Variants in SAMD5 observed in about 807,000 individuals in gnomAD.
The protein encoded by SAMD5 is sterile alpha motif domain-containing protein 5.
In SAMD5, 13 loss-of-function variants were observed where a neutral mutation model predicts 11.3. The ratio of observed to expected loss-of-function variants is 1.15; its 90% CI spans 0.75 to 1.83. The LOEUF is 1.83. Ranked by LOEUF, SAMD5 falls within the 40% of genes most tolerant of loss-of-function variation. The pLI is 0.00. For synonymous variants in SAMD5, 129 were observed against 111.3 expected, an observed-to-expected ratio of 1.16 and a Z score of -1.00; for missense variants, 255 against 239.1, an observed-to-expected ratio of 1.07 and a Z score of -0.44.
At chr6:147,627,516 T>C (rs1790073397) in intron 1 of SAMD5, among the ~76,000 whole-genome samples, 1 of 152,222 alleles carries the variant, frequency 6.6e-6, no homozygotes, top group African/African-American at 2.4e-5. Flanking sequence ...TGCAATAAAT[T>C]ATTTTTTGAT....
the SAMD5 span, among the ~76,000 whole-genome samples, chr6:147,878,616 T>TGTATATAC: frequency 1.4e-5 from 2 of 146,654 alleles, no homozygotes; most frequent in African/African-American, 5.0e-5. Context: ...TATATAGATA[T>TGTATATAC]ATATGTATAT....
At chr6:147,591,308 A>G (rs844569) in intron 1 of SAMD5, among the ~76,000 whole-genome samples, 100,101 of 151,812 alleles carry the variant, frequency 0.66, 33,221 homozygotes, top group South Asian at 0.74. Context: ...CTCCAGTGGC[A>G]TATAAAGCTG....
intron 1 of SAMD5, among the ~76,000 whole-genome samples, chr6:147,511,925 C>T (rs1788096762): frequency 6.6e-6 from 1 of 152,116 alleles, no homozygotes; most frequent in Admixed American, 6.5e-5. Context: ...CTCCACTTTC[C>T]TTGGCTTTGT....
chr6:147,846,976 T>C, the SAMD5 span, among the ~76,000 whole-genome samples: 4 of 152,198 alleles, frequency 2.6e-5, no homozygotes, highest in Non-Finnish European at 5.9e-5. Flanking sequence ...AAATGAACTC[T>C]TACAAATCAT....
the SAMD5 span, among the ~76,000 whole-genome samples, chr6:147,933,090 C>A: frequency 8.6e-3 from 1,304 of 152,264 alleles, 17 homozygotes; most frequent in African/African-American, 0.027. Flanking sequence ...GTTTCTTCCT[C>A]CTTTCCAATA....
intron 1 of SAMD5, among the ~76,000 whole-genome samples, chr6:147,651,731 G>A (rs1334788206): frequency 6.6e-6 from 1 of 152,126 alleles, no homozygotes; most frequent in Non-Finnish European, 1.5e-5. Flanking sequence ...TATTATAGTG[G>A]CCCAAACAGA....
chr6:147,527,184 T>C (rs1788356067), intron 1 of SAMD5, among the ~76,000 whole-genome samples: 2 of 152,200 alleles, frequency 1.3e-5, no homozygotes, highest in African/African-American at 4.8e-5. Flanking sequence ...CTCACATTGT[T>C]ATAAAGAAAT....
At chr6:147,548,767 G>T (rs1429952721) in intron 1 of SAMD5, among the ~76,000 whole-genome samples, 1 of 152,106 alleles carries the variant, frequency 6.6e-6, no homozygotes, top group Admixed American at 6.5e-5. Context: ...TTTGCACAGG[G>T]TTCCCTGAAG....
the SAMD5 span, among the ~76,000 whole-genome samples, chr6:147,768,811 T>C: frequency 1.3e-5 from 2 of 152,180 alleles, no homozygotes; most frequent in African/African-American, 4.8e-5. Context: ...ATTTATTTTT[T>C]TGAGACGGAG....
the SAMD5 span, among the ~76,000 whole-genome samples, chr6:147,950,394 T>A: frequency 6.6e-6 from 1 of 152,194 alleles, no homozygotes; most frequent in African/African-American, 2.4e-5. Context: ...CTGGTTCACA[T>A]GTGTGCACTA....
chr6:147,729,718 C>G (rs1791681271), intron 1 of SAMD5: 1 of 453,494 alleles, frequency 2.2e-6, no homozygotes, highest in African/African-American at 2.0e-5. Context: ...AATTATGAAC[C>G]ATGTGGAAAG....
intron 1 of SAMD5, among the ~76,000 whole-genome samples, chr6:147,644,920 C>T (rs1047467061): frequency 4.7e-4 from 72 of 152,192 alleles, no homozygotes; most frequent in African/African-American, 1.3e-3. Context: ...TCACTAGGGA[C>T]GCTGAATTTT....
At chr6:147,947,396 G>A in the SAMD5 span, 1 of 152,184 alleles carries the variant, frequency 6.6e-6, no homozygotes, top group Non-Finnish European at 1.5e-5. Context: ...ACAGGAGCTA[G>A]GATAATCTAA....
the SAMD5 span, among the ~76,000 whole-genome samples, chr6:147,771,090 T>C: frequency 1.3e-5 from 2 of 152,186 alleles, no homozygotes; most frequent in Non-Finnish European, 2.9e-5. Context: ...TTTTATCAGG[T>C]AAATGCCTTG....
At chr6:147,763,059 C>T in the SAMD5 span, among the ~76,000 whole-genome samples, 1 of 152,088 alleles carries the variant, frequency 6.6e-6, no homozygotes, top group South Asian at 2.1e-4. Context: ...ACCAATGCCC[C>T]ATTCCAAGCT....
At chr6:147,899,924 G>A in the SAMD5 span, among the ~76,000 whole-genome samples, 1 of 152,200 alleles carries the variant, frequency 6.6e-6, no homozygotes, top group Non-Finnish European at 1.5e-5. Flanking sequence ...TTGAGGGAGA[G>A]ACTGTCCAGC....
chr6:147,694,269 T>C (rs938788715), intron 1 of SAMD5, among the ~76,000 whole-genome samples: 24 of 152,318 alleles, frequency 1.6e-4, no homozygotes, highest in Admixed American at 1.6e-3. Context: ...TCATATTCTC[T>C]CTTTTTCAGT....
intron 1 of SAMD5, among the ~76,000 whole-genome samples, chr6:147,702,328 A>G (rs142757143): frequency 1.3e-5 from 2 of 152,332 alleles, no homozygotes; most frequent in Non-Finnish European, 2.9e-5. Context: ...CAGCCTAACT[A>G]TATCAGACTC....
chr6:147,561,872 C>A (rs76729393), intron 1 of SAMD5, among the ~76,000 whole-genome samples: 1 of 152,128 alleles, frequency 6.6e-6, no homozygotes, highest in Non-Finnish European at 1.5e-5. Context: ...AAATCACTGA[C>A]GTTTCCTATG....
Sources: allele counts gnomAD v4.1 joint callset (sites outside exome capture counted in the v4.1 genomes callset), GRCh38; gene constraint gnomAD v4.1.1; transcripts MANE v1.5; gene names NCBI Gene and HGNC (gene_info 2026-07-23, HGNC 2026-07-21).